The following SMG6 variants were observed in gnomAD, a reference collection of about 807,000 sequenced individuals.
The protein encoded by SMG6 is telomerase-binding protein EST1A.
Under a neutral mutation model 142.2 loss-of-function variants are expected in SMG6, and 66 were observed. The ratio of observed to expected loss-of-function variants is 0.46; its 90% CI spans 0.38 to 0.57. The LOEUF is 0.57. Ranked by LOEUF, SMG6 falls within the 20% of genes least tolerant of loss-of-function variation. The pLI, the probability that SMG6 is intolerant of heterozygous loss-of-function variation, is 0.00. For synonymous variants in SMG6, 779 were observed against 702.4 expected (o/e 1.11, Z -1.72); for missense variants, 1,793 against 1,832.0 (o/e 0.98, Z 0.39).
Position 2,275,382 on chromosome 17 carries a change from G to A in SMG6, c.2661+7265C>T, listed in dbSNP as rs144596686. Among the ~76,000 whole-genome samples the A allele has an allele frequency of 6.6e-4, 101 of 152,200 alleles. 1 individual carries two copies. The highest frequency in any genetic ancestry group is 2.1e-3 in the African/African-American group (87 of 41,540). ...GGCTGCAGTGAGCTGAGATCACGCC[G>A]CTGCACTCCAGCCTGGGAGACAGAG... On this transcript the variant is annotated intron_variant, in intron 8 of 18. Transcript: ENST00000263073.
chr17:2,188,256 G>T, intron 11 of SMG6, 143 bp downstream of exon 11: 1 of 691,458 alleles, frequency 1.4e-6, no homozygotes. Context: ...TAGTTAGGCA[G>T]GCAAAAGGAA....
intron 10 of SMG6, among the ~76,000 whole-genome samples, chr17:2,221,560 C>A (rs761292582): frequency 6.6e-6 from 1 of 152,124 alleles, no homozygotes. Flanking sequence ...ACAGTAGATA[C>A]CAAAGCACAT....
chr17:2,124,833 G>C (rs2069819354), intron 13 of SMG6, among the ~76,000 whole-genome samples: 1 of 152,090 alleles, frequency 6.6e-6, no homozygotes. Context: ...TTTATTTTTT[G>C]TTTCTAACGT....
At chr17:2,260,191 A>G (rs1258227782) in intron 8 of SMG6, among the ~76,000 whole-genome samples, 5 of 152,262 alleles carry the variant, frequency 3.3e-5, no homozygotes, top group African/African-American at 1.2e-4. Flanking sequence ...AGACAACAAC[A>G]TGGCCTGCTA....
At chr17:2,148,694 A>G (rs1327981836) in intron 13 of SMG6, among the ~76,000 whole-genome samples, 3 of 152,106 alleles carry the variant, frequency 2.0e-5, no homozygotes, top group African/African-American at 7.2e-5. Flanking sequence ...CTCCGTCTCT[A>G]CTAAAAATAC....
At chr17:2,231,240 C>G (rs2073484056) in intron 10 of SMG6, among the ~76,000 whole-genome samples, 1 of 152,170 alleles carries the variant, frequency 6.6e-6, no homozygotes, top group Admixed American at 6.5e-5. Context: ...CAACTAGAGT[C>G]ACCTCCCATC....
chr17:2,197,661 C>CA (rs1047062635), intron 10 of SMG6, among the ~76,000 whole-genome samples: 13 of 147,486 alleles, frequency 8.8e-5, no homozygotes, highest in African/African-American at 2.5e-4. Context: ...AGAAAATGGG[C>CA]AAAAAAAAAG....
chr17:2,179,160 C>T (rs991115467), intron 12 of SMG6, among the ~76,000 whole-genome samples: 1 of 152,164 alleles, frequency 6.6e-6, no homozygotes, highest in African/African-American at 2.4e-5. Context: ...CGCCCCAACC[C>T]GGAGCCAGGG....
intron 13 of SMG6, among the ~76,000 whole-genome samples, chr17:2,168,949 T>C (rs2071422268): frequency 6.6e-6 from 1 of 151,484 alleles, no homozygotes; most frequent in South Asian, 2.1e-4. Flanking sequence ...GGTTTCACAA[T>C]GTTGGCCAGG....
chr17:2,293,834 G>A (rs574869273), intron 4 of SMG6, among the ~76,000 whole-genome samples: 7 of 152,222 alleles, frequency 4.6e-5, no homozygotes, highest in African/African-American at 7.2e-5. Context: ...ATTGTACCAC[G>A]GCATTACATT....
rs949894778 is a variant in SMG6, at chr17:2,303,285, G to A, written c.88+348C>T. On this transcript the variant is annotated intron_variant, in intron 1 of 18. Transcript: ENST00000263073. ...GGCGGCCTGGAGAGCGATACGCCCG[G>A]GGCCTCCACCAGACCCCACTCCTTT... 2.9e-5 allele frequency: 31 copies of A among 1,085,532 alleles called. No homozygotes were observed. In the African/African-American group the frequency reaches 4.0e-4, roughly 14 times the overall value. The allele number at this position is 1,085,532 out of a possible 1,614,324, so 67.2% of individuals were successfully genotyped here. A position where few individuals can be genotyped will look rare whatever the true frequency, so the allele number is the denominator to read the frequency against.
At position 2,099,211 on chromosome 17, in the gene SMG6, T is replaced by A. The variant is rs574871542; in HGVS notation, c.3358-13310A>T. 2.0e-5 allele frequency among the ~76,000 whole-genome samples: 3 copies of A among 152,148 alleles called. No homozygotes were observed. The South Asian group carries it at 6.2e-4, about 32-fold the overall frequency. ...GGCCATACTGCCTATACTGTGTCAA[T>A]CATGCTCCCCGAAGCTGTGCAACAC... On this transcript the variant is annotated intron_variant, in intron 13 of 18. Transcript: ENST00000263073.
At chr17:2,149,856 G>C (rs1168764958) in intron 13 of SMG6, among the ~76,000 whole-genome samples, 4 of 152,190 alleles carry the variant, frequency 2.6e-5, no homozygotes, top group African/African-American at 9.7e-5. Context: ...TCAGTTCTAA[G>C]TCCACAGGAC....
intron 13 of SMG6, among the ~76,000 whole-genome samples, chr17:2,134,987 C>G (rs574165097): frequency 6.6e-6 from 1 of 152,158 alleles, no homozygotes; most frequent in African/African-American, 2.4e-5. Flanking sequence ...TCAAGTGATT[C>G]TCCTACCTCA....
chr17:2,254,757 A>G (rs1296015330), intron 8 of SMG6, among the ~76,000 whole-genome samples: 2 of 152,222 alleles, frequency 1.3e-5, no homozygotes, highest in South Asian at 2.1e-4. Flanking sequence ...TTTTATGTAC[A>G]AAGCACAGTG....
chr17:2,192,528 G>A (rs758485419), intron 10 of SMG6, among the ~76,000 whole-genome samples: 8 of 152,302 alleles, frequency 5.3e-5, no homozygotes, highest in Admixed American at 3.3e-4. Context: ...CTAAGAGCTG[G>A]AGAAAAACGC....
At chr17:2,147,153 G>A (rs1381750192) in intron 13 of SMG6, among the ~76,000 whole-genome samples, 1 of 152,176 alleles carries the variant, frequency 6.6e-6, no homozygotes, top group African/African-American at 2.4e-5. Context: ...AGAACTTTGG[G>A]AGGCCGAGGT....
intron 4 of SMG6, among the ~76,000 whole-genome samples, chr17:2,294,640 G>C (rs1019160387): frequency 6.6e-6 from 1 of 152,110 alleles, no homozygotes; most frequent in African/African-American, 2.4e-5. Flanking sequence ...TTCAGCGTTA[G>C]TTTAACTATG....
At position 2,276,667 on chromosome 17, in the gene SMG6, T is replaced by TA. The variant is rs554779716; in HGVS notation, c.2661+5979dup. Among the ~76,000 whole-genome samples the TA allele has an allele frequency of 2.3e-4, 35 of 152,318 alleles. 1 individual carries two copies. In the South Asian group the frequency reaches 4.8e-3, roughly 21 times the overall value. On this transcript the variant is annotated intron_variant, in intron 8 of 18. Transcript: ENST00000263073. ...TCCCAAAGTGCTGGGATTACAGGCG[T>TA]AAGCCACTGCACCTGGCCTCTGTCC... is the stretch of plus-strand genomic sequence containing the variant.
Sources: allele counts gnomAD v4.1 joint callset (sites outside exome capture counted in the v4.1 genomes callset), GRCh38; gene constraint gnomAD v4.1.1; transcripts MANE v1.5; gene names NCBI Gene and HGNC (gene_info 2026-07-23, HGNC 2026-07-21).